The following MAGI1 variants were observed in gnomAD, a reference collection of about 807,000 sequenced individuals.
The protein encoded by MAGI1 is membrane associated guanylate kinase, WW and PDZ domain containing 1.
In MAGI1, 58 loss-of-function variants were observed where a neutral mutation model predicts 139.9. The observed-to-expected ratio is 0.41, with a 90% CI of 0.34 to 0.52. The LOEUF (loss-of-function observed/expected upper bound fraction) is 0.52. Ranked by LOEUF, MAGI1 falls within the 20% of genes least tolerant of loss-of-function variation. The pLI, the probability that MAGI1 is intolerant of heterozygous loss-of-function variation, is 0.12. For missense variants in MAGI1, 1,874 were observed against 1,901.6 expected, an observed-to-expected ratio of 0.99 and a Z score of 0.27; for synonymous variants, 812 against 737.9, an observed-to-expected ratio of 1.10 and a Z score of -1.63.
chr3:65,452,426 ATAC>A (rs1424572385), intron 6 of MAGI1, among the ~76,000 whole-genome samples: 11 of 152,322 alleles, frequency 7.2e-5, no homozygotes, highest in Non-Finnish European at 1.2e-4. Context: ...TTTAATAATT[ATAC>A]TACTAATTCA....
Position 65,437,183 on chromosome 3 carries a change from T to C in MAGI1, c.1335A>G (p.Pro445=), listed in dbSNP as rs910764297. The C allele has an allele frequency of 1.9e-6, 3 of 1,611,046 alleles. No homozygotes were observed. In the South Asian group the frequency reaches 3.3e-5, roughly 18 times the overall value. ...GAAGTGGAACTTCTCTGGCTGGCTCTGGATTGCTTGGAGGGTGGTTTGGAA... is the reference window on the plus strand; with the variant it reads ...GAAGTGGAACTTCTCTGGCTGGCTCCGGATTGCTTGGAGGGTGGTTTGGAA... The part of the protein sequence containing the change: ...PVIPNHPPSN[P]EPAREVPLQG... The change falls in exon 10 of 23, where the codon CCA becomes CCG. Residue 445 remains proline (P), a synonymous_variant. Transcript: ENST00000402939.
chr3:65,979,102 A>AC (rs2065434661), intron 1 of MAGI1, among the ~76,000 whole-genome samples: 1 of 39,494 alleles, frequency 2.5e-5, no homozygotes, highest in Non-Finnish European at 4.8e-5. Flanking sequence ...CCCCCCCGCC[A>AC]CCCCCCACAG....
chr3:65,648,809 T>C lies in MAGI1; in HGVS notation c.314-26721A>G, dbSNP rs115002061. On this transcript the variant is annotated intron_variant, in intron 1 of 22. Coordinates refer to ENST00000402939, the MANE Select transcript of MAGI1 (RefSeq NM_001033057.2). ...GCTTACTTGATTTTACAACTTAATATATAGCTACAATATTTAAGACTACGT... is the reference window on the plus strand; with the variant it reads ...GCTTACTTGATTTTACAACTTAATACATAGCTACAATATTTAAGACTACGT... Among the ~76,000 whole-genome samples the C allele has an allele frequency of 6.8e-3, 1,040 of 152,286 alleles. 6 individuals carry two copies. Among genetic ancestry groups the C allele is most frequent in the African/African-American group, 0.024 (1,006 of 41,554 alleles).
chr3:65,460,599 A>G (rs887643348), intron 5 of MAGI1, among the ~76,000 whole-genome samples: 3 of 152,118 alleles, frequency 2.0e-5, no homozygotes, highest in African/African-American at 7.2e-5. Context: ...CAGAACATGC[A>G]GATTTGTTAC....
chr3:65,649,158 C>G (rs4256168), intron 1 of MAGI1, among the ~76,000 whole-genome samples: 18,235 of 152,074 alleles, frequency 0.12, 1,268 homozygotes, highest in Middle Eastern at 0.18. Context: ...AGGATCACTT[C>G]AGGCTAGGAG....
intron 1 of MAGI1, among the ~76,000 whole-genome samples, chr3:65,745,470 A>G (rs1344154225): frequency 1.3e-5 from 2 of 152,222 alleles, no homozygotes; most frequent in African/African-American, 2.4e-5. Flanking sequence ...TACAATTGGA[A>G]GCCCTAACTT....
At chr3:65,906,882 T>C (rs1246144447) in intron 1 of MAGI1, among the ~76,000 whole-genome samples, 1 of 147,312 alleles carries the variant, frequency 6.8e-6, no homozygotes, top group Non-Finnish European at 1.5e-5. Context: ...CAAGACTCTG[T>C]CTTAAAAAAA....
At chr3:65,929,891 G>C (rs1326685051) in intron 1 of MAGI1, among the ~76,000 whole-genome samples, 1 of 152,152 alleles carries the variant, frequency 6.6e-6, no homozygotes, top group African/African-American at 2.4e-5. Context: ...TCCATTCTTT[G>C]ACTTTTACTA....
chr3:65,621,122 T>C (rs2083646107), intron 2 of MAGI1, among the ~76,000 whole-genome samples: 1 of 152,122 alleles, frequency 6.6e-6, no homozygotes. Context: ...CAAAAAATGG[T>C]ATGTCTAGGA....
At chr3:65,990,994 T>C (rs1156317136) in intron 1 of MAGI1, among the ~76,000 whole-genome samples, 1 of 150,938 alleles carries the variant, frequency 6.6e-6, no homozygotes, top group African/African-American at 2.4e-5. Context: ...CTCTAAAAAA[T>C]AAAAGTAAAT....
chr3:65,721,022 GTGAAATCCCACC>G (rs1413163107), intron 1 of MAGI1, among the ~76,000 whole-genome samples: 1 of 152,068 alleles, frequency 6.6e-6, no homozygotes, highest in African/African-American at 2.4e-5. Flanking sequence ...GATTTCAGGT[GTGAAATCCCACC>G]TGAAATCCCT....
rs35940908 is a variant in MAGI1 at position 65,994,273 on chromosome 3, CAA to C, written c.313+43721_313+43722del. ...TGGGCGACAAAGCAAGACTCCATCT[CAA>C]AAAAAAAAAAAAAAACACTGGTAAA... On this transcript the variant is annotated intron_variant, in intron 1 of 22. Transcript: ENST00000402939. Among the ~76,000 whole-genome samples, 5 of 109,400 alleles carry C rather than the reference CAA, an allele frequency of 4.6e-5. No individual in the cohort carries two copies. In the South Asian group the frequency reaches 9.7e-4, roughly 21 times the overall value. 71.8% of individuals were successfully genotyped at this position (109,400 alleles called of 152,430 possible). A position where few individuals can be genotyped will look rare whatever the true frequency, so the allele number is the denominator to read the frequency against.
chr3:65,649,043 AC>A, intron 1 of MAGI1, among the ~76,000 whole-genome samples: 1 of 152,278 alleles, frequency 6.6e-6, no homozygotes, highest in East Asian at 1.9e-4. Flanking sequence ...CATATCTTAC[AC>A]AAAAATTAAC....
chr3:65,864,963 A>G (rs1200754468), intron 1 of MAGI1, among the ~76,000 whole-genome samples: 1 of 152,224 alleles, frequency 6.6e-6, no homozygotes, highest in Non-Finnish European at 1.5e-5. Flanking sequence ...AATACTGTAG[A>G]TATACACACC....
intron 1 of MAGI1, among the ~76,000 whole-genome samples, chr3:65,629,942 A>G (rs2084196630): frequency 6.6e-6 from 1 of 152,192 alleles, no homozygotes; most frequent in Non-Finnish European, 1.5e-5. Context: ...ACTTTATGTT[A>G]TATATATTTA....
intron 4 of MAGI1, among the ~76,000 whole-genome samples, chr3:65,471,213 A>C (rs1950542164): frequency 6.6e-6 from 1 of 152,180 alleles, no homozygotes; most frequent in Admixed American, 6.5e-5. Flanking sequence ...TTGCCTTCTT[A>C]TTAACTAGAA....
intron 12 of MAGI1, chr3:65,401,903 T>C: frequency 1.0e-6 from 1 of 985,280 alleles, no homozygotes. Flanking sequence ...ATATATTTAG[T>C]TTCAAAGGAG....
intron 1 of MAGI1, among the ~76,000 whole-genome samples, chr3:65,976,407 A>T (rs2065267669): frequency 6.6e-6 from 1 of 152,130 alleles, no homozygotes; most frequent in Non-Finnish European, 1.5e-5. Context: ...AGGAGGGTGG[A>T]TCACTTGAGG....
intron 22 of MAGI1, chr3:65,360,703 G>A (rs1052212361): frequency 1.0e-6 from 1 of 993,348 alleles, no homozygotes; most frequent in Non-Finnish European, 1.2e-6. Flanking sequence ...GAGAAGTGTT[G>A]TATACAGAGC....
Sources: gnomAD v4.1 joint callset for allele counts (sites outside exome capture counted in the v4.1 genomes callset) on GRCh38, gnomAD v4.1.1 for gene constraint, MANE v1.5 for transcripts, NCBI Gene and HGNC (gene_info 2026-07-23, HGNC 2026-07-21) for gene names.